The following BIVM variants were observed in gnomAD, a reference collection of about 807,000 sequenced individuals.
BIVM encodes the protein basic, immunoglobulin-like variable motif containing.
Under a neutral mutation model 61.4 loss-of-function variants are expected in BIVM, and 31 were observed. The ratio of observed to expected loss-of-function variants is 0.51; its 90% CI spans 0.38 to 0.68. BIVM has a LOEUF of 0.68. Ranked by LOEUF, BIVM falls within the 30% of genes least tolerant of loss-of-function variation. BIVM has a pLI of 0.00. For synonymous variants in BIVM, 189 were observed against 210.7 expected, an observed-to-expected ratio of 0.90 and a Z score of 0.89; for missense variants, 526 against 596.0, an observed-to-expected ratio of 0.88 and a Z score of 1.22.
rs1878580094 is a variant in BIVM, at chr13:102,799,222, A to G, written c.-506A>G. The G allele has an allele frequency of 6.0e-6, 2 of 331,448 alleles. No individual in the cohort carries two copies. Among genetic ancestry groups the G allele is most frequent in the African/African-American group, 4.3e-5 (2 of 47,048 alleles). The allele number at this position is 331,448 out of a possible 1,614,324, so 20.5% of individuals were successfully genotyped here. A position where few individuals can be genotyped will look rare whatever the true frequency, so the allele number is the denominator to read the frequency against. On this transcript the variant is annotated 5_prime_UTR_variant, in exon 1 of 11. It removes an upstream start codon present in the reference 5' UTR. Coordinates refer to ENST00000257336, the MANE Select transcript of BIVM (RefSeq NM_017693.4). ...TTCGGGGGACAGATAAACACCACAG[A>G]TGCCCATCAAAGGGGCGCACGGGTC...
At chr13:102,813,422 T>A (rs1879635412) in intron 3 of BIVM, among the ~76,000 whole-genome samples, 1 of 152,218 alleles carries the variant, frequency 6.6e-6, no homozygotes, top group Non-Finnish European at 1.5e-5. Flanking sequence ...TTATTTTAGT[T>A]CTAGAATTTA....
At chr13:102,800,371 G>C (rs1331082906) in intron 1 of BIVM, 1 of 152,342 alleles carries the variant, frequency 6.6e-6, no homozygotes, top group African/African-American at 2.4e-5. Context: ...AGGGAAGGTA[G>C]AGGAGGGAGT....
chr13:102,839,466 T>C, intron 10 of BIVM, 106 bp from the exon 11 acceptor site: 1 of 1,426,102 alleles, frequency 7.0e-7, no homozygotes, highest in South Asian at 1.4e-5. Context: ...AGTACCATTC[T>C]GAGGCCGGTG....
At chr13:102,825,617 C>T (rs1293637525) in intron 7 of BIVM, among the ~76,000 whole-genome samples, 1 of 152,212 alleles carries the variant, frequency 6.6e-6, no homozygotes, top group Non-Finnish European at 1.5e-5. Flanking sequence ...TGCTGGGCTC[C>T]TCGATGTTTC....
At chr13:102,836,203 T>A (rs1411174342) in intron 9 of BIVM, among the ~76,000 whole-genome samples, 4 of 77,746 alleles carry the variant, frequency 5.1e-5, no homozygotes, top group Non-Finnish European at 1.2e-4. Context: ...ATTTTCTTCT[T>A]TTATATGTTT....
chr13:102,830,635 T>C (rs547657681), intron 7 of BIVM, among the ~76,000 whole-genome samples: 1 of 152,344 alleles, frequency 6.6e-6, no homozygotes, highest in Admixed American at 6.5e-5. Flanking sequence ...TTGTGAAGAC[T>C]ACTCCTCTAG....
In BIVM at chr13:102,834,337, A is replaced by C. The variant is rs1167502679; in HGVS notation, c.1035-129A>C. 18 of 882,778 alleles carry C rather than the reference A, an allele frequency of 2.0e-5. No individual in the cohort carries two copies. The South Asian group carries it at 3.6e-4, about 18-fold the overall frequency. 54.7% of individuals were successfully genotyped at this position (882,778 alleles called of 1,614,324 possible). On this transcript the variant is annotated intron_variant, in intron 8 of 10. Coordinates refer to ENST00000257336, the MANE Select transcript of BIVM (RefSeq NM_017693.4). ...AGAAATTTGCCCTCACCTAAGCTCT[A>C]ATGTCTGTTCTTGATGAATGAATGC...
chr13:102,821,126 C>A lies in BIVM; in HGVS notation c.695C>A (p.Ala232Asp). The A allele has an allele frequency of 1.2e-6, 2 of 1,610,218 alleles. No individual in the cohort carries two copies. The highest frequency in any genetic ancestry group is 1.7e-6 in the Non-Finnish European group (2 of 1,179,024). ...AATTTCTTATACAGCACAATGGGAG[C>A]TGGAAAGTAAGTATGTCAATTTATC... The part of the protein sequence containing the change: ...CWNFLYSTMG[A>D]GNLPPITQEE... Residue 232 changes from alanine (A) to aspartate (D), a missense_variant, in exon 5 of 11, where the codon GCT becomes GAT. Around this residue, in one of 3 missense-constraint regions of BIVM, gnomAD observed 312 missense variants for 343.8 expected, o/e 0.91. Coordinates refer to ENST00000257336, the MANE Select transcript of BIVM (RefSeq NM_017693.4).
rs779638534 is a variant in BIVM, at chr13:102,822,014, CAT to C, written c.807-50_807-49del. On this transcript the variant is annotated intron_variant, in intron 6 of 10. Coordinates refer to ENST00000257336, the MANE Select transcript of BIVM (RefSeq NM_017693.4). ...AATTTCTTTAGAATTGGAATAATGC[CAT>C]CTTTGTTGTAGAATTGTTGCCATGA... 1.4e-5 allele frequency: 22 copies of C among 1,597,280 alleles called. No homozygotes were observed. The East Asian group carries it at 4.2e-4, about 31-fold the overall frequency.
intron 1 of BIVM, among the ~76,000 whole-genome samples, chr13:102,803,677 C>T (rs1447541502): frequency 6.6e-6 from 1 of 151,948 alleles, no homozygotes; most frequent in Admixed American, 6.6e-5. Flanking sequence ...CTCTAATAAC[C>T]TTTGTCTATT....
Position 102,822,214 on chromosome 13 carries a change from C to T in BIVM, c.901+55C>T. ...ACACATACACACATGCACACACACA[C>T]ATACACACACACGGTTTAGAGTTCG... On this transcript the variant is annotated intron_variant, in intron 7 of 10. Coordinates refer to ENST00000257336, the MANE Select transcript of BIVM (RefSeq NM_017693.4). 2.7e-6 allele frequency: 4 copies of T among 1,488,346 alleles called. 1 individual carries two copies. The South Asian group carries it at 3.5e-5, about 13-fold the overall frequency. 92.2% of individuals were successfully genotyped at this position (1,488,346 alleles called of 1,614,324 possible).
chr13:102,802,087 G>A (rs776322588), intron 1 of BIVM, among the ~76,000 whole-genome samples: 10 of 152,130 alleles, frequency 6.6e-5, no homozygotes, highest in Non-Finnish European at 1.2e-4. Flanking sequence ...TATATATGTA[G>A]CAAACTTTAT....
At chr13:102,799,632 C>T (rs906827850) in intron 1 of BIVM, 111 bp downstream of exon 1, 5 of 152,306 alleles carry the variant, frequency 3.3e-5, no homozygotes, top group African/African-American at 1.2e-4. Flanking sequence ...TGCCGCTCTA[C>T]GCGCAGCCAC....
chr13:102,835,464 C>T (rs9514061), intron 9 of BIVM, among the ~76,000 whole-genome samples: 7 of 152,160 alleles, frequency 4.6e-5, no homozygotes, highest in Admixed American at 1.3e-4. Flanking sequence ...GCAGTCACTC[C>T]GTATTCCCTG....
chr13:102,813,138 A>G (rs1370809024), intron 3 of BIVM, among the ~76,000 whole-genome samples: 1 of 152,140 alleles, frequency 6.6e-6, no homozygotes, highest in East Asian at 1.9e-4. Flanking sequence ...CTGCCAGTGC[A>G]GTTGTCTAGG....
chr13:102,815,858 A>C (rs1879835049), intron 3 of BIVM, among the ~76,000 whole-genome samples: 1 of 152,182 alleles, frequency 6.6e-6, no homozygotes, highest in African/African-American at 2.4e-5. Context: ...CTAGAGTTGC[A>C]TTTTAGTAAT....
At chr13:102,821,940 C>T (rs1566450817) in intron 6 of BIVM, 93 bp downstream of exon 6, 1 of 1,533,138 alleles carries the variant, frequency 6.5e-7, no homozygotes, top group Non-Finnish European at 9.0e-7. Context: ...ATGTATCCAG[C>T]TGCTGGGCTT....
Position 102,831,471 on chromosome 13 carries a change from C to A in BIVM, c.902-94C>A, listed in dbSNP as rs902041906. 5 of 1,527,934 alleles carry A rather than the reference C, an allele frequency of 3.3e-6. No homozygotes were observed. The Admixed American group carries it at 1.0e-4, about 31-fold the overall frequency. The allele number at this position is 1,527,934 out of a possible 1,614,324, so 94.6% of individuals were successfully genotyped here. The stretch of plus-strand genomic sequence containing the variant: ...AGTGTCAGTGTATTCCAAGTAATGT[C>A]TTTTCTGTCCTTAAGCCCTTAACCG... On this transcript the variant is annotated intron_variant, in intron 7 of 10. Transcript: ENST00000257336.
At chr13:102,824,207 A>C (rs1392539243) in intron 7 of BIVM, among the ~76,000 whole-genome samples, 3 of 152,122 alleles carry the variant, frequency 2.0e-5, no homozygotes, top group Non-Finnish European at 2.9e-5. Context: ...AGCAAGTGAG[A>C]GGGTAAGGGG....
Sources: allele counts gnomAD v4.1 joint callset (sites outside exome capture counted in the v4.1 genomes callset), GRCh38; gene constraint gnomAD v4.1.1; regional missense constraint gnomAD v4.1.1; transcripts MANE v1.5; gene names NCBI Gene and HGNC (gene_info 2026-07-23, HGNC 2026-07-21).